The following YAE1 variants were observed in gnomAD, a reference collection of about 807,000 sequenced individuals.
YAE1 encodes the protein protein YAE1 homolog.
YAE1 carries 22 observed loss-of-function variants against 23.0 expected under a neutral mutation model. The observed-to-expected ratio is 0.96, with a 90% CI of 0.68 to 1.37. The LOEUF (loss-of-function observed/expected upper bound fraction) is 1.37. Among genes scored for constraint, YAE1 ranks in the 40% most tolerant of loss-of-function variants. The pLI, the probability that YAE1 is intolerant of heterozygous loss-of-function variation, is 0.00. For synonymous variants in YAE1, 101 were observed against 97.0 expected (o/e 1.04, Z -0.24); for missense variants, 260 against 262.1 (o/e 0.99, Z 0.06).
intron 2 of YAE1, 140 bp downstream of exon 2, chr7:39,570,767 A>G (rs186368559): frequency 8.8e-7 from 1 of 1,131,144 alleles, no homozygotes; most frequent in East Asian, 2.9e-5. Flanking sequence ...ATAGAATTAT[A>G]TTGCCTTCAA....
downstream of YAE1, among the ~76,000 whole-genome samples, chr7:39,577,646 G>A (rs12701748): frequency 0.31 from 47,757 of 152,160 alleles, 8,249 homozygotes; most frequent in South Asian, 0.38. Context: ...CGGTGGGCAC[G>A]GCTCAGAACC....
chr7:39,596,588 C>G (rs1790978201), intron 2 of YAE1, among the ~76,000 whole-genome samples: 1 of 152,124 alleles, frequency 6.6e-6, no homozygotes, highest in Admixed American at 6.6e-5. Context: ...TAAATGTTTA[C>G]TTCTCCTTAA....
chr7:39,593,746 A>AG (rs1554292578), intron 2 of YAE1, among the ~76,000 whole-genome samples: 1 of 152,182 alleles, frequency 6.6e-6, no homozygotes, highest in Non-Finnish European at 1.5e-5. Context: ...GGCATGAGCC[A>AG]CCGCATCCAG....
At chr7:39,606,393 AT>A (rs1386650214) in intron 2 of YAE1, among the ~76,000 whole-genome samples, 1 of 152,222 alleles carries the variant, frequency 6.6e-6, no homozygotes, top group Non-Finnish European at 1.5e-5. Context: ...GTGTAGTTAA[AT>A]TTTTAGTTTA....
chr7:39,581,329 CAAAT>C (rs1251694274), intron 2 of YAE1, among the ~76,000 whole-genome samples: 1 of 152,068 alleles, frequency 6.6e-6, no homozygotes, highest in Non-Finnish European at 1.5e-5. Flanking sequence ...AAACACAAAA[CAAAT>C]GAGTTGTCAA....
At chr7:39,585,264 G>A (rs1321507350) in intron 2 of YAE1, among the ~76,000 whole-genome samples, 2 of 152,136 alleles carry the variant, frequency 1.3e-5, no homozygotes, top group Non-Finnish European at 2.9e-5. Context: ...ACTGAATTGT[G>A]TCCTCTCAAA....
At chr7:39,599,461 C>T (rs188820734) in intron 2 of YAE1, among the ~76,000 whole-genome samples, 29 of 152,056 alleles carry the variant, frequency 1.9e-4, no homozygotes, top group African/African-American at 4.8e-4. Flanking sequence ...CTGCAACCTC[C>T]GCCTCCCAAG....
exon 3 of YAE1, chr7:39,610,301 G>C (rs188976260): frequency 4.1e-6 from 2 of 492,248 alleles, no homozygotes; most frequent in African/African-American, 2.0e-5. Flanking sequence ...TGCAGATCTC[G>C]GTACCAGGTT....
At chr7:39,600,199 T>C (rs1791036326) in intron 2 of YAE1, among the ~76,000 whole-genome samples, 1 of 152,128 alleles carries the variant, frequency 6.6e-6, no homozygotes, top group African/African-American at 2.4e-5. Context: ...ATATAAAACA[T>C]AACTTTGATT....
At position 39,572,462 on chromosome 7, in the gene YAE1, T is replaced by C; in HGVS notation, c.437T>C (p.Val146Ala). 6.2e-7 allele frequency: 1 copy of C among 1,614,176 alleles called. No individual in the cohort carries two copies. The highest frequency in any genetic ancestry group is 8.5e-7 in the Non-Finnish European group (1 of 1,179,996). Residue 146 changes from valine (V) to alanine (A), a missense_variant, in exon 3 of 3, where the codon GTT becomes GCT. Physicochemically the swap from Val to Ala is moderately conservative, Grantham distance 64. Coordinates refer to ENST00000223273, the MANE Select transcript of YAE1 (RefSeq NM_020192.5). ...SIEDMDLCHVVPAEKKIDEAK... is the reference protein window; with the variant it reads ...SIEDMDLCHVAPAEKKIDEAK... Reference sequence around the variant, plus strand: ...GAGGATATGGACCTTTGTCATGTAGTTCCAGCTGAGAAAAAGATTGATGAA... The same window carrying C: ...GAGGATATGGACCTTTGTCATGTAGCTCCAGCTGAGAAAAAGATTGATGAA...
At chr7:39,601,062 G>C (rs762618624) in intron 2 of YAE1, among the ~76,000 whole-genome samples, 46 of 152,184 alleles carry the variant, frequency 3.0e-4, no homozygotes, top group Admixed American at 3.3e-4. Flanking sequence ...AATCTAGTCT[G>C]AAAGAGAAGA....
At chr7:39,587,483 GT>G (rs1487737127) in intron 2 of YAE1, among the ~76,000 whole-genome samples, 1 of 152,170 alleles carries the variant, frequency 6.6e-6, no homozygotes, top group African/African-American at 2.4e-5. Context: ...TTTAGGTACA[GT>G]TTAATATACA....
chr7:39,606,047 T>C (rs769967512), intron 2 of YAE1, among the ~76,000 whole-genome samples: 1 of 138,520 alleles, frequency 7.2e-6, no homozygotes, highest in Non-Finnish European at 1.5e-5. Context: ...TGGTAAACAA[T>C]TTTTTTTTTT....
intron 2 of YAE1, among the ~76,000 whole-genome samples, chr7:39,580,663 A>G (rs1790728764): frequency 6.6e-6 from 1 of 152,208 alleles, no homozygotes; most frequent in Non-Finnish European, 1.5e-5. Flanking sequence ...CCCTTTGCTT[A>G]GACCTCATGG....
At chr7:39,597,110 C>A (rs4236362) in intron 2 of YAE1, among the ~76,000 whole-genome samples, 4,913 of 152,330 alleles carry the variant, frequency 0.032, 122 homozygotes, top group Admixed American at 0.07. Flanking sequence ...TAAAGGAAAT[C>A]ATTTTTGAAC....
At chr7:39,573,154 TA>T (rs1371334607), downstream of YAE1, among the ~76,000 whole-genome samples, 1 of 152,162 alleles carries the variant, frequency 6.6e-6, no homozygotes, top group Non-Finnish European at 1.5e-5. Context: ...TATAGATATG[TA>T]GATATATATT....
At chr7:39,588,626 G>A (rs1455800463) in intron 2 of YAE1, among the ~76,000 whole-genome samples, 3 of 152,030 alleles carry the variant, frequency 2.0e-5, no homozygotes, top group African/African-American at 7.2e-5. Context: ...TCTCAAAGGA[G>A]AAGACTTTGA....
At chr7:39,592,768 C>T (rs571576136) in intron 2 of YAE1, among the ~76,000 whole-genome samples, 11 of 152,232 alleles carry the variant, frequency 7.2e-5, no homozygotes, top group African/African-American at 2.6e-4. Flanking sequence ...TTTTCTGGCT[C>T]TTTTAAATAC....
chr7:39,567,500 C>T (rs539186694), intron 1 of YAE1, among the ~76,000 whole-genome samples: 1 of 152,184 alleles, frequency 6.6e-6, no homozygotes, highest in African/African-American at 2.4e-5. Flanking sequence ...CTCTGCTTTG[C>T]CCTGTCTCCT....
Sources: allele counts gnomAD v4.1 joint callset (sites outside exome capture counted in the v4.1 genomes callset), GRCh38; gene constraint gnomAD v4.1.1; transcripts MANE v1.5; gene names NCBI Gene and HGNC (gene_info 2026-07-23, HGNC 2026-07-21).